The following PPFIBP1 variants were observed in gnomAD, a reference collection of about 807,000 sequenced individuals.
PPFIBP1 encodes PPFIB scaffold protein 1.
Under a neutral mutation model 137.8 loss-of-function variants are expected in PPFIBP1, and 112 were observed. The ratio of observed to expected loss-of-function variants is 0.81; its 90% CI spans 0.70 to 0.95. The LOEUF (loss-of-function observed/expected upper bound fraction) is 0.95. Ranked by LOEUF, PPFIBP1 falls within the 40% of genes least tolerant of loss-of-function variation. PPFIBP1 has a pLI of 0.00. For missense variants in PPFIBP1, 1,083 were observed against 1,196.6 expected (o/e 0.91, Z 1.40); for synonymous variants, 378 against 417.3 (o/e 0.91, Z 1.15).
intron 2 of PPFIBP1, among the ~76,000 whole-genome samples, chr12:27,591,410 C>T (rs1182285185): frequency 3.3e-5 from 5 of 151,980 alleles, no homozygotes; most frequent in Non-Finnish European, 7.4e-5. Flanking sequence ...TTCAGTGGAA[C>T]GTTCAATGAC....
At chr12:27,646,236 A>G in intron 5 of PPFIBP1, 88 bp downstream of exon 5, 2 of 986,746 alleles carry the variant, frequency 2.0e-6, no homozygotes, top group Non-Finnish European at 3.1e-6. Context: ...TGCTTGCAGC[A>G]ATCAGACTGC....
intron 11 of PPFIBP1, among the ~76,000 whole-genome samples, chr12:27,661,438 T>C (rs2059543023): frequency 6.6e-6 from 1 of 151,164 alleles, no homozygotes; most frequent in African/African-American, 2.4e-5. Flanking sequence ...GGCTTTACGT[T>C]AGCTACACTG....
intron 27 of PPFIBP1, among the ~76,000 whole-genome samples, chr12:27,690,269 T>G (rs1566025912): frequency 6.6e-6 from 1 of 152,134 alleles, no homozygotes; most frequent in Non-Finnish European, 1.5e-5. Flanking sequence ...GACTTGAGTA[T>G]GTACGGATTT....
chr12:27,599,609 C>G (rs1364375858), intron 2 of PPFIBP1: 7 of 409,904 alleles, frequency 1.7e-5, no homozygotes, highest in African/African-American at 8.3e-5. Context: ...TTCTGTATCT[C>G]TACAGAACCT....
At chr12:27,692,536 A>G (rs988514710) in intron 28 of PPFIBP1, 55 bp from the exon 29 acceptor site, 1 of 1,536,312 alleles carries the variant, frequency 6.5e-7, no homozygotes, top group South Asian at 1.1e-5. Context: ...CTCCTGCTGC[A>G]CTTTCCCTGA....
chr12:27,692,756 C>G lies in PPFIBP1; in HGVS notation c.2932-40C>G, dbSNP rs200697325. The G allele has an allele frequency of 4.3e-5, 70 of 1,613,994 alleles. No homozygotes were observed. The African/African-American group carries it at 8.5e-4, about 20-fold the overall frequency. ...CTTGGAGAATGTGTAGCTCTGAGCT[C>G]TTGGCTCTCAGTGTGACTCCCTGTC... On this transcript the variant is annotated intron_variant, in intron 29 of 29. Transcript: ENST00000228425.
At chr12:27,655,151 G>C in intron 8 of PPFIBP1, 1 of 1,533,948 alleles carries the variant, frequency 6.5e-7, no homozygotes, top group South Asian at 1.2e-5. Flanking sequence ...AGTCTTTAAT[G>C]GCCAAACTTT....
intron 1 of PPFIBP1, among the ~76,000 whole-genome samples, chr12:27,565,559 A>G (rs2049572600): frequency 1.3e-5 from 2 of 151,950 alleles, no homozygotes; most frequent in South Asian, 4.1e-4. Context: ...TCACATGTCC[A>G]GTTGTTTTCT....
chr12:27,595,879 ACAAC>A (rs1165223970), intron 2 of PPFIBP1, among the ~76,000 whole-genome samples: 26 of 46,492 alleles, frequency 5.6e-4, no homozygotes, highest in African/African-American at 2.1e-3. Context: ...AACAACAACA[ACAAC>A]AAAATATATA....
At chr12:27,550,310 A>T (rs1007902710) in intron 1 of PPFIBP1, among the ~76,000 whole-genome samples, 6 of 152,200 alleles carry the variant, frequency 3.9e-5, no homozygotes, top group Non-Finnish European at 8.8e-5. Flanking sequence ...GAGTTTCTGT[A>T]CTTAAAGCCC....
At chr12:27,564,124 G>A (rs1210789621) in intron 1 of PPFIBP1, among the ~76,000 whole-genome samples, 9 of 152,118 alleles carry the variant, frequency 5.9e-5, no homozygotes, top group Admixed American at 5.9e-4. Context: ...GCCTGCCTCG[G>A]CCTCCCAAAG....
Position 27,692,657 on chromosome 12 carries a change from G to A in PPFIBP1, c.2931+1G>A. ...CTCTGAAGGCATCAACAATCTGACG[G>A]TGAGTTTGTGAAATGAATTGAAAAT... On this transcript the variant is annotated splice_donor_variant, in intron 29 of 29. Coordinates refer to ENST00000228425, the MANE Select transcript of PPFIBP1 (RefSeq NM_003622.4). LOFTEE classifies it high-confidence loss of function. 3 of 1,614,112 alleles carry A rather than the reference G, an allele frequency of 1.9e-6. No homozygotes were observed. The highest frequency in any genetic ancestry group is 4.5e-5 in the East Asian group (2 of 44,888).
chr12:27,637,385 G>A (rs927646691), intron 4 of PPFIBP1: 1 of 152,106 alleles, frequency 6.6e-6, no homozygotes, highest in Non-Finnish European at 1.5e-5. Flanking sequence ...GTTTTCAGTT[G>A]CTTTGTGTCT....
intron 12 of PPFIBP1, among the ~76,000 whole-genome samples, chr12:27,665,974 AT>A (rs2059831297): frequency 6.6e-6 from 1 of 152,248 alleles, no homozygotes; most frequent in Admixed American, 6.5e-5. Context: ...TAAGTGATTA[AT>A]TTTTACATAT....
chr12:27,623,813 G>T (rs1322423394), intron 2 of PPFIBP1, among the ~76,000 whole-genome samples: 1 of 152,116 alleles, frequency 6.6e-6, no homozygotes, highest in Non-Finnish European at 1.5e-5. Flanking sequence ...AGGGCATATG[G>T]GAGCCAGGAT....
chr12:27,567,639 G>T (rs945863419), intron 1 of PPFIBP1, among the ~76,000 whole-genome samples: 1 of 152,150 alleles, frequency 6.6e-6, no homozygotes, highest in African/African-American at 2.4e-5. Flanking sequence ...GCACTTCATT[G>T]TCTTAATCTA....
chr12:27,599,502 C>G (rs548817129), intron 2 of PPFIBP1: 3 of 455,906 alleles, frequency 6.6e-6, no homozygotes, highest in South Asian at 4.6e-5. Flanking sequence ...CTTAAAATCT[C>G]TCTCCTTTCT....
intron 2 of PPFIBP1, among the ~76,000 whole-genome samples, chr12:27,580,439 T>A (rs1251857434): frequency 6.6e-6 from 1 of 152,166 alleles, no homozygotes; most frequent in Non-Finnish European, 1.5e-5. Context: ...ATCTGTAAAA[T>A]GGGGATGGTA....
chr12:27,562,739 C>T (rs2049266283), intron 1 of PPFIBP1, among the ~76,000 whole-genome samples: 1 of 152,126 alleles, frequency 6.6e-6, no homozygotes. Flanking sequence ...CTCCCATTGC[C>T]AGCTCTTGTG....
Sources: gnomAD v4.1 joint callset for allele counts (sites outside exome capture counted in the v4.1 genomes callset) on GRCh38, gnomAD v4.1.1 for gene constraint, MANE v1.5 for transcripts, NCBI Gene and HGNC (gene_info 2026-07-23, HGNC 2026-07-21) for gene names.